The following SAMMSON variants were observed in gnomAD, a reference collection of about 807,000 sequenced individuals.
The protein encoded by SAMMSON is long intergenic non-protein coding RNA 1212.
chr3:70,423,188 G>T (rs1701325929), intron 2 of SAMMSON, among the ~76,000 whole-genome samples: 1 of 152,044 alleles, frequency 6.6e-6, no homozygotes, highest in African/African-American at 2.4e-5. Flanking sequence ...GCCAGAAAGG[G>T]AATAAACTGA....
Position 70,385,117 on chromosome 3 carries a change from A to G in SAMMSON, n.914-4457A>G, listed in dbSNP as rs139466062. Among the ~76,000 whole-genome samples the G allele has an allele frequency of 1.1e-4, 17 of 152,278 alleles. No homozygotes were observed. In the East Asian group the frequency reaches 3.1e-3, roughly 28 times the overall value. On this transcript the variant is annotated intron_variant and non_coding_transcript_variant, in intron 9 of 9. Coordinates refer to ENST00000642114, the Ensembl canonical transcript of SAMMSON. ...AATGTCTAGGCCCATGAACTTTGAT[A>G]GACAAGGTGGTGTAGAAGAAAAAGC...
chr3:70,225,637 A>G (rs1701497322), intron 4 of SAMMSON, among the ~76,000 whole-genome samples: 1 of 152,212 alleles, frequency 6.6e-6, no homozygotes, highest in Non-Finnish European at 1.5e-5. Context: ...AGTTCTCTAA[A>G]CACATTCACA....
chr3:70,430,530 C>T (rs1701405509), intron 2 of SAMMSON, among the ~76,000 whole-genome samples: 1 of 151,980 alleles, frequency 6.6e-6, no homozygotes, highest in Non-Finnish European at 1.5e-5. Flanking sequence ...GAGCTTGAGG[C>T]CTGAATGGGA....
At chr3:70,176,775 C>G (rs1310674838) in intron 4 of SAMMSON, among the ~76,000 whole-genome samples, 3 of 151,980 alleles carry the variant, frequency 2.0e-5, no homozygotes, top group African/African-American at 7.2e-5. Flanking sequence ...CATAAATGAT[C>G]AAATATTATA....
At chr3:70,397,375 G>C (rs996156373) in intron 2 of SAMMSON, among the ~76,000 whole-genome samples, 2 of 152,034 alleles carry the variant, frequency 1.3e-5, no homozygotes, top group African/African-American at 4.8e-5. Context: ...CACCATCTTG[G>C]CTCACTTCAA....
intron 7 of SAMMSON, among the ~76,000 whole-genome samples, chr3:70,328,539 A>G (rs1013559927): frequency 6.6e-6 from 1 of 152,184 alleles, no homozygotes; most frequent in Non-Finnish European, 1.5e-5. Flanking sequence ...AACAAAAATG[A>G]GTTGGATAAG....
chr3:70,207,000 A>G (rs1701297622), intron 4 of SAMMSON, among the ~76,000 whole-genome samples: 1 of 151,420 alleles, frequency 6.6e-6, no homozygotes, highest in Admixed American at 6.6e-5. Context: ...TGCAAACTTT[A>G]CCTATCATGG....
chr3:70,203,167 C>T (rs1576153622), intron 4 of SAMMSON, among the ~76,000 whole-genome samples: 1 of 152,154 alleles, frequency 6.6e-6, no homozygotes, highest in South Asian at 2.1e-4. Flanking sequence ...CTCATCCTCC[C>T]CAAAGCAAAG....
chr3:70,273,353 G>A (rs778823921), intron 6 of SAMMSON, among the ~76,000 whole-genome samples: 13 of 151,906 alleles, frequency 8.6e-5, no homozygotes, highest in South Asian at 2.1e-4. Flanking sequence ...TTTTTTCTTC[G>A]TAAAAATGAG....
At chr3:70,249,356 G>A (rs780885364) in intron 5 of SAMMSON, among the ~76,000 whole-genome samples, 5 of 152,130 alleles carry the variant, frequency 3.3e-5, no homozygotes, top group Non-Finnish European at 5.9e-5. Context: ...GTGTCTAAGG[G>A]GGGGATCTAT....
rs574763018 is a variant in SAMMSON, at chr3:70,399,467, A to G, written n.233+41143A>G. Among the ~76,000 whole-genome samples the G allele has an allele frequency of 2.0e-5, 3 of 152,286 alleles. No individual in the cohort carries two copies. The South Asian group carries it at 6.2e-4, about 32-fold the overall frequency. ...AGAGTTGATTATGCTTTACAGTGTGATTTTCCCCAGGATGCAATGTAGACC... is the reference window on the plus strand; with the variant it reads ...AGAGTTGATTATGCTTTACAGTGTGGTTTTCCCCAGGATGCAATGTAGACC... On this transcript the variant is annotated intron_variant and non_coding_transcript_variant, in intron 2 of 3. Coordinates refer to the SAMMSON transcript ENST00000641053.
chr3:70,294,981 A>C (rs2106696549), intron 7 of SAMMSON, among the ~76,000 whole-genome samples: 1 of 152,326 alleles, frequency 6.6e-6, no homozygotes, highest in South Asian at 2.1e-4. Context: ...AAAAACCTTT[A>C]CTAGAAGCCC....
At chr3:70,231,659 GGAGA>G (rs937816255) in intron 4 of SAMMSON, among the ~76,000 whole-genome samples, 1 of 151,996 alleles carries the variant, frequency 6.6e-6, no homozygotes, top group East Asian at 1.9e-4. Flanking sequence ...AACACGCTAA[GGAGA>G]GAGAGAGAAG....
At chr3:70,418,527 G>A (rs907572656) in intron 2 of SAMMSON, among the ~76,000 whole-genome samples, 6 of 152,084 alleles carry the variant, frequency 3.9e-5, no homozygotes, top group Admixed American at 6.6e-5. Flanking sequence ...CATTGGCTGC[G>A]GCATCTGCAC....
chr3:70,028,171 C>G (rs1305196169), intron 3 of SAMMSON, among the ~76,000 whole-genome samples: 1 of 140,722 alleles, frequency 7.1e-6, no homozygotes, highest in Non-Finnish European at 1.5e-5. Flanking sequence ...TCCTTCCTTC[C>G]TTCCTTCCTT....
intron 4 of SAMMSON, among the ~76,000 whole-genome samples, chr3:70,128,945 C>T (rs1027744653): frequency 2.0e-5 from 3 of 152,016 alleles, no homozygotes; most frequent in Non-Finnish European, 2.9e-5. Context: ...TAATATTTCA[C>T]GGAGTAGGTA....
chr3:70,320,488 G>A (rs1702528913), intron 7 of SAMMSON, among the ~76,000 whole-genome samples: 1 of 152,036 alleles, frequency 6.6e-6, no homozygotes, highest in African/African-American at 2.4e-5. Flanking sequence ...AAAAATAATG[G>A]CATCGTATAT....
intron 2 of SAMMSON, among the ~76,000 whole-genome samples, chr3:70,396,429 G>T (rs990141613): frequency 1.3e-5 from 2 of 152,100 alleles, no homozygotes; most frequent in Non-Finnish European, 2.9e-5. Flanking sequence ...TATTGCAGGG[G>T]TCCACAAGCC....
At chr3:70,160,733 A>G (rs1285435983) in intron 4 of SAMMSON, among the ~76,000 whole-genome samples, 1 of 152,048 alleles carries the variant, frequency 6.6e-6, no homozygotes, top group Non-Finnish European at 1.5e-5. Flanking sequence ...GCAACAAGGA[A>G]AAGCCTGATG....
Sources: gnomAD v4.1 joint callset for allele counts (sites outside exome capture counted in the v4.1 genomes callset) on GRCh38, gnomAD v4.1.1 for gene constraint, MANE v1.5 for transcripts, NCBI Gene and HGNC (gene_info 2026-07-23, HGNC 2026-07-21) for gene names.